The following WRN variants were observed in gnomAD, a reference collection of about 807,000 sequenced individuals.
WRN encodes the protein WRN RecQ like helicase, also known as bifunctional 3'-5' exonuclease/ATP-dependent helicase WRN.
Under a neutral mutation model 180.7 loss-of-function variants are expected in WRN, and 149 were observed. The ratio of observed to expected loss-of-function variants is 0.82; its 90% confidence interval spans 0.72 to 0.94. The LOEUF is 0.94. Ranked by LOEUF, WRN falls within the 40% of genes least tolerant of loss-of-function variation. WRN has a pLI of 0.00. For missense variants in WRN, 1,661 were observed against 1,700.1 expected (o/e 0.98, Z 0.40); for synonymous variants, 548 against 568.9 (o/e 0.96, Z 0.52).
chr8:31,163,906 G>C (rs1563391439), intron 33 of WRN, among the ~76,000 whole-genome samples: 1 of 150,062 alleles, frequency 6.7e-6, no homozygotes, highest in Non-Finnish European at 1.5e-5. Context: ...AGGCTGGAGT[G>C]CCGTGGCACA....
chr8:31,084,052 G>A (rs1032523430), intron 10 of WRN, among the ~76,000 whole-genome samples: 1 of 152,098 alleles, frequency 6.6e-6, no homozygotes, highest in African/African-American at 2.4e-5. Context: ...AGGCTGGAGT[G>A]CAGTTGCTCC....
chr8:31,163,596 C>T (rs1192541056), intron 33 of WRN, among the ~76,000 whole-genome samples: 1 of 152,006 alleles, frequency 6.6e-6, no homozygotes, highest in Admixed American at 6.6e-5. Context: ...ATGAGTGAAA[C>T]AAATTAACTT....
chr8:31,090,599 A>G lies in WRN; in HGVS notation c.1720+67A>G, dbSNP rs372609411. ...AAACATAAAGAGTTTGAAATGCTTAATCTTTCATTAAACTCTCAAAATACA... is the reference window on the plus strand; with the variant it reads ...AAACATAAAGAGTTTGAAATGCTTAGTCTTTCATTAAACTCTCAAAATACA... On this transcript the variant is annotated intron_variant, in intron 14 of 34. Coordinates refer to ENST00000298139, the MANE Select transcript of WRN (RefSeq NM_000553.6). 8.7e-5 allele frequency: 128 copies of G among 1,464,176 alleles called. No individual in the cohort carries two copies. The African/African-American group carries it at 1.7e-3, about 20-fold the overall frequency. The allele number at this position is 1,464,176 out of a possible 1,614,324, so 90.7% of individuals were successfully genotyped here.
At position 31,124,935 on chromosome 8, in the gene WRN, A is replaced by T; in HGVS notation, c.2760A>T (p.Lys920Asn). Residue 920 changes from lysine (K) to asparagine (N), a missense_variant, in exon 23 of 35, where the codon AAA becomes AAT. By Grantham distance (94) the Lys-to-Asn change is moderately conservative. Transcript: ENST00000298139. ...TCATCTTGTCTCATTTTGAGGACAA[A>T]CAAGTACAAAAAGCCTCCTTGGGAA... Reference protein sequence around the residue: ...RQIILSHFEDKQVQKASLGIM... With the variant: ...RQIILSHFEDNQVQKASLGIM... The T allele has an allele frequency of 1.2e-6, 2 of 1,613,172 alleles. No homozygotes were observed. Among genetic ancestry groups the T allele is most frequent in the South Asian group, 1.1e-5 (1 of 90,934 alleles).
Position 31,167,111 on chromosome 8 carries a change from GGT to G in WRN, c.4073_4074del (p.Gly1358AlafsTer2). 6.2e-7 allele frequency: 1 copy of G among 1,613,350 alleles called. No individual in the cohort carries two copies. Among genetic ancestry groups the G allele is most frequent in the Non-Finnish European group, 8.5e-7 (1 of 1,179,550 alleles). ...CATGGCAATTGAGATCCTTAAACAT[GGT>G]CCTGACAGCGGACTTCAACCTTCAT... ...IHMAIEILKH[G>X]PDSGLQPSCD... On this transcript the variant is annotated frameshift_variant, in exon 34 of 35. Coordinates refer to ENST00000298139, the MANE Select transcript of WRN (RefSeq NM_000553.6). LOFTEE classifies it high-confidence loss of function.
At chr8:31,067,006 A>G in intron 5 of WRN, 27 bp from the exon 6 acceptor site, 1 of 1,612,862 alleles carries the variant, frequency 6.2e-7, no homozygotes, top group Non-Finnish European at 8.5e-7. Flanking sequence ...AACTGATTTT[A>G]CTGTGTTGCT....
intron 1 of WRN, among the ~76,000 whole-genome samples, chr8:31,036,108 A>T (rs1585378534): frequency 6.6e-6 from 1 of 152,252 alleles, no homozygotes; most frequent in Non-Finnish European, 1.5e-5. Context: ...AAGTGAGAAC[A>T]TGCGATATTT....
chr8:31,156,406 T>C (rs533313933), intron 32 of WRN, among the ~76,000 whole-genome samples: 46 of 152,362 alleles, frequency 3.0e-4, no homozygotes, highest in African/African-American at 1.1e-3. Context: ...GAATTAAACA[T>C]GCTTAGGACT....
chr8:31,111,791 C>T lies in WRN; in HGVS notation c.2265C>T (p.Val755=), dbSNP rs1801329745. 1 of 1,611,748 alleles carries T rather than the reference C, an allele frequency of 6.2e-7. No individual in the cohort carries two copies. Among genetic ancestry groups the T allele is most frequent in the African/African-American group, 1.3e-5 (1 of 74,464 alleles). Residue 755 remains valine, a synonymous_variant, in exon 19 of 35, where the codon GTC becomes GTT. Coordinates refer to ENST00000298139, the MANE Select transcript of WRN (RefSeq NM_000553.6). ...NILQDLQPFL[V]KTSSHWEFEG... ...TTCAGGATCTGCAGCCATTTCTTGT[C>T]AAAACAAGGTAAGGATTTAATGGTT... is the stretch of plus-strand genomic sequence containing the variant.
chr8:31,060,493 C>T (rs1248301595), intron 3 of WRN, among the ~76,000 whole-genome samples: 4 of 151,550 alleles, frequency 2.6e-5, no homozygotes, highest in Non-Finnish European at 5.9e-5. Context: ...GAGCCTTGAT[C>T]ACACCATTGC....
chr8:31,108,550 G>A (rs530106342), intron 18 of WRN, among the ~76,000 whole-genome samples: 4 of 151,958 alleles, frequency 2.6e-5, no homozygotes, highest in Admixed American at 6.6e-5. Context: ...GTGAAACAGA[G>A]GAAGCAGCAG....
intron 1 of WRN, among the ~76,000 whole-genome samples, chr8:31,052,896 GGCT>G (rs1200370017): frequency 1.3e-5 from 2 of 152,098 alleles, no homozygotes; most frequent in Non-Finnish European, 2.9e-5. Flanking sequence ...GGGTTGCTGA[GGCT>G]GCTATTTTTT....
chr8:31,146,369 C>T (rs770784929), intron 28 of WRN, among the ~76,000 whole-genome samples: 2 of 151,244 alleles, frequency 1.3e-5, no homozygotes, highest in African/African-American at 2.4e-5. Context: ...CTAACCCAAC[C>T]GTGTTATTAT....
chr8:31,165,785 A>G (rs1447015578), intron 33 of WRN, among the ~76,000 whole-genome samples: 2 of 152,290 alleles, frequency 1.3e-5, no homozygotes, highest in East Asian at 1.9e-4. Context: ...AAATTGGGAT[A>G]CATACATACA....
At chr8:31,105,302 A>G (rs1801051542) in intron 18 of WRN, among the ~76,000 whole-genome samples, 2 of 152,130 alleles carry the variant, frequency 1.3e-5, no homozygotes, top group South Asian at 2.1e-4. Context: ...GCACACACTC[A>G]TGGATTTCTT....
At chr8:31,100,722 A>G in intron 17 of WRN, 127 bp from the exon 18 acceptor site, 2 of 749,326 alleles carry the variant, frequency 2.7e-6, no homozygotes, top group Admixed American at 2.3e-5. Flanking sequence ...GATGATATTT[A>G]TGCTTCTGTT....
chr8:31,142,649 C>T lies in WRN; in HGVS notation c.3257C>T (p.Thr1086Ile). 1 of 1,601,086 alleles carries T rather than the reference C, an allele frequency of 6.2e-7. No individual in the cohort carries two copies. The highest frequency in any genetic ancestry group is 8.5e-7 in the Non-Finnish European group (1 of 1,174,124). ...AGTTCGAAAACTGTATCTTCGGGCACCAAAGAGCATTGTTATAATCAAGTA... is the reference window on the plus strand; with the variant it reads ...AGTTCGAAAACTGTATCTTCGGGCATCAAAGAGCATTGTTATAATCAAGTA... ...LPSSKTVSSG[T>I]KEHCYNQVPV... The change falls in exon 27 of 35, where the codon ACC becomes ATC. Residue 1086 changes from threonine to isoleucine, a missense_variant. Thr to Ile is a moderately conservative substitution (Grantham distance 89). Coordinates refer to ENST00000298139, the MANE Select transcript of WRN (RefSeq NM_000553.6).
At chr8:31,037,529 C>T (rs1231410911) in intron 1 of WRN, among the ~76,000 whole-genome samples, 2 of 152,158 alleles carry the variant, frequency 1.3e-5, no homozygotes, top group Admixed American at 1.3e-4. Context: ...TGGGGTCTTA[C>T]ATTTAAGTCT....
intron 33 of WRN, among the ~76,000 whole-genome samples, chr8:31,163,838 G>A (rs187781633): frequency 6.7e-6 from 1 of 149,446 alleles, no homozygotes; most frequent in African/African-American, 2.5e-5. Flanking sequence ...TAAGAAGGTT[G>A]TGATAACCAT....
Sources: gnomAD v4.1 joint callset for allele counts (sites outside exome capture counted in the v4.1 genomes callset) on GRCh38, gnomAD v4.1.1 for gene constraint, MANE v1.5 for transcripts, NCBI Gene and HGNC (gene_info 2026-07-23, HGNC 2026-07-21) for gene names.